Variants in SPAG16 observed in about 807,000 individuals in gnomAD.
SPAG16 encodes sperm associated antigen 16.
In SPAG16, 86 loss-of-function variants were observed where a neutral mutation model predicts 80.4. The ratio of observed to expected loss-of-function variants is 1.07; its 90% CI spans 0.90 to 1.28. The LOEUF (loss-of-function observed/expected upper bound fraction) is 1.28. Ranked by LOEUF, SPAG16 falls within the 50% of genes most tolerant of loss-of-function variation. The pLI is 0.00. For synonymous variants in SPAG16, 294 were observed against 265.9 expected, an observed-to-expected ratio of 1.11 and a Z score of -1.03; for missense variants, 870 against 765.3, an observed-to-expected ratio of 1.14 and a Z score of -1.61.
At chr2:213,756,856 GC>G (rs1373259147) in intron 10 of SPAG16, among the ~76,000 whole-genome samples, 2 of 152,232 alleles carry the variant, frequency 1.3e-5, no homozygotes, top group Non-Finnish European at 2.9e-5. Flanking sequence ...CTCAATGATG[GC>G]TTTGAGGCAG....
chr2:214,390,121 C>T (rs956743261), intron 15 of SPAG16, among the ~76,000 whole-genome samples: 2 of 152,024 alleles, frequency 1.3e-5, no homozygotes, highest in Non-Finnish European at 2.9e-5. Flanking sequence ...TTTTTCTCTC[C>T]AAAAATATAT....
chr2:214,293,205 T>C (rs999777958), intron 15 of SPAG16, among the ~76,000 whole-genome samples: 5 of 152,326 alleles, frequency 3.3e-5, no homozygotes, highest in Admixed American at 3.3e-4. Flanking sequence ...CTTGGGCCTC[T>C]GGGCAGTGGT....
intron 10 of SPAG16, among the ~76,000 whole-genome samples, chr2:213,726,891 A>G (rs2066791657): frequency 1.3e-5 from 2 of 152,226 alleles, no homozygotes; most frequent in Admixed American, 6.5e-5. Flanking sequence ...AGGATTCTCA[A>G]AAGATAGTGA....
At chr2:213,979,525 C>T (rs2045589650) in intron 12 of SPAG16, among the ~76,000 whole-genome samples, 1 of 152,076 alleles carries the variant, frequency 6.6e-6, no homozygotes, top group African/African-American at 2.4e-5. Flanking sequence ...GAACCTTCTT[C>T]TCAGGGCAGC....
At chr2:214,351,220 A>C (rs947160154) in intron 15 of SPAG16, among the ~76,000 whole-genome samples, 3 of 152,174 alleles carry the variant, frequency 2.0e-5, no homozygotes, top group African/African-American at 7.2e-5. Context: ...ACTAAAAGAG[A>C]AAGAATAAGG....
intron 10 of SPAG16, among the ~76,000 whole-genome samples, chr2:213,803,613 A>G (rs2071553862): frequency 6.6e-6 from 1 of 152,220 alleles, no homozygotes; most frequent in Admixed American, 6.5e-5. Context: ...AGGGCTCCCA[A>G]TCCAGAGCCG....
chr2:213,762,776 A>G (rs1032712456), intron 10 of SPAG16, among the ~76,000 whole-genome samples: 1 of 152,190 alleles, frequency 6.6e-6, no homozygotes, highest in African/African-American at 2.4e-5. Flanking sequence ...GGCAGAGATA[A>G]TAAGTCGAAC....
At chr2:213,873,171 G>C (rs2076016234) in intron 11 of SPAG16, among the ~76,000 whole-genome samples, 1 of 28,766 alleles carries the variant, frequency 3.5e-5, no homozygotes, top group Non-Finnish European at 1.5e-4. Context: ...AAATTCATCA[G>C]TGAAGCCATC....
At chr2:213,334,850 G>A (rs1319910071) in intron 5 of SPAG16, among the ~76,000 whole-genome samples, 2 of 152,058 alleles carry the variant, frequency 1.3e-5, no homozygotes, top group Non-Finnish European at 2.9e-5. Flanking sequence ...TGGTTAATGG[G>A]TACAGAAAAA....
intron 15 of SPAG16, among the ~76,000 whole-genome samples, chr2:214,364,529 C>CTAT (rs1699366395): frequency 6.6e-6 from 1 of 152,028 alleles, no homozygotes; most frequent in Non-Finnish European, 1.5e-5. Flanking sequence ...CATCAGAGTG[C>CTAT]TATTTATTTT....
intron 9 of SPAG16, among the ~76,000 whole-genome samples, chr2:213,461,287 G>C (rs71426338): frequency 6.6e-6 from 1 of 152,286 alleles, no homozygotes; most frequent in East Asian, 1.9e-4. Context: ...GCATGGCTTA[G>C]TATAGGGTGT....
At chr2:214,131,244 C>T (rs921994467) in intron 14 of SPAG16, among the ~76,000 whole-genome samples, 1 of 151,942 alleles carries the variant, frequency 6.6e-6, no homozygotes, top group East Asian at 1.9e-4. Flanking sequence ...TGGCATGCAC[C>T]TGTGGTCCTA....
chr2:213,761,075 G>C (rs913943353), intron 10 of SPAG16, among the ~76,000 whole-genome samples: 3 of 152,070 alleles, frequency 2.0e-5, no homozygotes, highest in African/African-American at 7.2e-5. Flanking sequence ...ATTTTAGGGG[G>C]ACATATTCAA....
At chr2:214,371,323 C>T (rs778863096) in intron 15 of SPAG16, among the ~76,000 whole-genome samples, 2 of 151,768 alleles carry the variant, frequency 1.3e-5, no homozygotes, top group African/African-American at 4.8e-5. Flanking sequence ...ACATGAAGTC[C>T]GGAGTTCAAG....
intron 15 of SPAG16, among the ~76,000 whole-genome samples, chr2:214,333,015 TG>T (rs1290022959): frequency 6.6e-6 from 1 of 152,222 alleles, no homozygotes; most frequent in African/African-American, 2.4e-5. Context: ...AATTCTCAAA[TG>T]GTTTAAATAT....
intron 9 of SPAG16, among the ~76,000 whole-genome samples, chr2:213,392,860 AC>A (rs925348752): frequency 9.9e-5 from 15 of 152,060 alleles, no homozygotes; most frequent in African/African-American, 3.4e-4. Flanking sequence ...AAAAAAAAAA[AC>A]AGTGTTGAAT....
At chr2:213,841,218 T>C (rs1031209482) in intron 10 of SPAG16, among the ~76,000 whole-genome samples, 1 of 152,148 alleles carries the variant, frequency 6.6e-6, no homozygotes, top group African/African-American at 2.4e-5. Context: ...AAAATAGTCA[T>C]GAGCATGAGA....
At chr2:213,396,435 G>A (rs2068036791) in intron 9 of SPAG16, among the ~76,000 whole-genome samples, 1 of 151,996 alleles carries the variant, frequency 6.6e-6, no homozygotes, top group Admixed American at 6.6e-5. Context: ...ATAATTCTAA[G>A]TACCTTATAG....
intron 8 of SPAG16, among the ~76,000 whole-genome samples, chr2:213,371,666 A>C (rs893929397): frequency 6.6e-6 from 1 of 150,472 alleles, no homozygotes; most frequent in African/African-American, 2.4e-5. Flanking sequence ...AAAACAACAA[A>C]TTGATTGTCA....
Sources: gnomAD v4.1 joint callset for allele counts (sites outside exome capture counted in the v4.1 genomes callset) on GRCh38, gnomAD v4.1.1 for gene constraint, MANE v1.5 for transcripts, NCBI Gene and HGNC (gene_info 2026-07-23, HGNC 2026-07-21) for gene names.